Variants in GRAMD1B observed in about 807,000 individuals in gnomAD.
The protein encoded by GRAMD1B is GRAM domain containing 1B.
GRAMD1B carries 37 observed loss-of-function variants against 99.7 expected under a neutral mutation model. The observed-to-expected ratio is 0.37, with a 90% confidence interval of 0.29 to 0.49. The LOEUF (loss-of-function observed/expected upper bound fraction) is 0.49. GRAMD1B is among the 20% of genes least tolerant of loss of function. The probability of loss-of-function intolerance (pLI) is 0.98; values close to 1 mark genes in which losing one functional copy is unlikely to be tolerated. For missense variants in GRAMD1B, 888 were observed against 1,009.2 expected, an observed-to-expected ratio of 0.88 and a Z score of 1.63; for synonymous variants, 427 against 387.6, an observed-to-expected ratio of 1.10 and a Z score of -1.19.
chr11:123,608,398 C>G, intron 11 of GRAMD1B: 1 of 1,068,966 alleles, frequency 9.4e-7, no homozygotes, highest in Non-Finnish European at 1.3e-6. Flanking sequence ...AAAAGCAAAT[C>G]GTACATTCCC....
rs376911573 is a variant in GRAMD1B, at chr11:123,453,582, G to T, written c.374+22416G>T. ...TCCTCCTGCCCCAGCCTCCCAAAGT[G>T]CTGGGATTACAGACATGAGCCACCG... On this transcript the variant is annotated intron_variant, in intron 1 of 19. Transcript: ENST00000635736. 4.6e-4 allele frequency among the ~76,000 whole-genome samples: 70 copies of T among 152,278 alleles called. 1 individual carries two copies. In the East Asian group the frequency reaches 9.8e-3, roughly 21 times the overall value.
intron 2 of GRAMD1B, among the ~76,000 whole-genome samples, chr11:123,543,816 G>A (rs574445521): frequency 1.3e-5 from 2 of 152,284 alleles, no homozygotes; most frequent in African/African-American, 4.8e-5. Flanking sequence ...GCCTGTTTTT[G>A]TAATTTGTTC....
At chr11:123,534,102 A>T (rs1425832997) in intron 2 of GRAMD1B, among the ~76,000 whole-genome samples, 2 of 152,260 alleles carry the variant, frequency 1.3e-5, no homozygotes, top group Non-Finnish European at 2.9e-5. Flanking sequence ...ACTTCACAAC[A>T]TCTTAACTAC....
At chr11:123,480,989 A>G (rs1016710022) in intron 2 of GRAMD1B, 96 bp downstream of exon 2, 4 of 397,278 alleles carry the variant, frequency 1.0e-5, no homozygotes, top group Non-Finnish European at 1.3e-5. Flanking sequence ...GTGCAAAAAA[A>G]TGTGGAAAAC....
intron 2 of GRAMD1B, among the ~76,000 whole-genome samples, chr11:123,557,055 A>G (rs544168982): frequency 1.3e-5 from 2 of 152,326 alleles, no homozygotes; most frequent in Non-Finnish European, 1.5e-5. Context: ...ATAACCATGT[A>G]CTATAGGCAA....
chr11:123,606,572 G>T (rs955626915), intron 10 of GRAMD1B, 37 bp from the exon 11 acceptor site: 2 of 1,570,168 alleles, frequency 1.3e-6, no homozygotes, highest in African/African-American at 2.7e-5. Flanking sequence ...TCCAGACCAG[G>T]TTTCCCTGGT....
At chr11:123,497,765 G>C (rs1379254294) in intron 2 of GRAMD1B, among the ~76,000 whole-genome samples, 1 of 152,016 alleles carries the variant, frequency 6.6e-6, no homozygotes, top group Non-Finnish European at 1.5e-5. Flanking sequence ...GCAGGGCATG[G>C]TGGTGGGTGC....
intron 2 of GRAMD1B, among the ~76,000 whole-genome samples, chr11:123,542,448 G>A (rs1285862593): frequency 6.6e-6 from 1 of 152,188 alleles, no homozygotes; most frequent in Non-Finnish European, 1.5e-5. Context: ...CATGCATAAT[G>A]TACATCAGCA....
Position 123,598,618 on chromosome 11 carries a change from C to G in GRAMD1B, c.970-1850C>G. 3 of 1,435,562 alleles carry G rather than the reference C, an allele frequency of 2.1e-6. No homozygotes were observed. In the East Asian group the frequency reaches 6.8e-5, roughly 33 times the overall value. The allele number at this position is 1,435,562 out of a possible 1,614,324, so 88.9% of individuals were successfully genotyped here. A position where few individuals can be genotyped will look rare whatever the true frequency, so the allele number is the denominator to read the frequency against. ...CTGAATAGTCTCTGGGCTCGCTCTT[C>G]TGGGATCCTGCCACATTTCAGTCCT... is the stretch of plus-strand genomic sequence containing the variant. On this transcript the variant is annotated intron_variant, in intron 7 of 19. Transcript: ENST00000635736.
At chr11:123,402,966 T>A (rs895258395) in intron 1 of GRAMD1B, among the ~76,000 whole-genome samples, 3 of 93,724 alleles carry the variant, frequency 3.2e-5, no homozygotes, top group Non-Finnish European at 3.8e-5. Flanking sequence ...GGATTAAAAA[T>A]CTTTTTTTTT....
chr11:123,571,375 C>T (rs1046389866), intron 2 of GRAMD1B, among the ~76,000 whole-genome samples: 4 of 152,146 alleles, frequency 2.6e-5, no homozygotes, highest in Admixed American at 2.0e-4. Flanking sequence ...GGCAGGGATG[C>T]CGCAGAGAGT....
intron 1 of GRAMD1B, among the ~76,000 whole-genome samples, chr11:123,371,345 C>T (rs1946523112): frequency 6.6e-6 from 1 of 152,082 alleles, no homozygotes; most frequent in Non-Finnish European, 1.5e-5. Context: ...AGGAAAAGAG[C>T]CCAGCTAATA....
At chr11:123,536,976 G>A (rs924526802) in intron 2 of GRAMD1B, among the ~76,000 whole-genome samples, 2 of 152,190 alleles carry the variant, frequency 1.3e-5, no homozygotes, top group Non-Finnish European at 2.9e-5. Flanking sequence ...TCAGACCTTC[G>A]GGGGCTTCAT....
At chr11:123,410,462 G>T (rs1344067080) in intron 1 of GRAMD1B, among the ~76,000 whole-genome samples, 3 of 152,108 alleles carry the variant, frequency 2.0e-5, no homozygotes, top group African/African-American at 7.2e-5. Flanking sequence ...AAAATCAGTT[G>T]TCCCCAGATG....
chr11:123,465,975 T>G (rs1950638203), intron 1 of GRAMD1B, among the ~76,000 whole-genome samples: 1 of 151,982 alleles, frequency 6.6e-6, no homozygotes, highest in South Asian at 2.1e-4. Context: ...TCATACTGAT[T>G]GTTGAAAATA....
chr11:123,501,465 C>T (rs1939848436), intron 2 of GRAMD1B, among the ~76,000 whole-genome samples: 1 of 152,216 alleles, frequency 6.6e-6, no homozygotes, highest in East Asian at 1.9e-4. Context: ...GCCACTGCGC[C>T]AGCCTGGAGC....
chr11:123,495,904 T>C (rs1939199772), intron 2 of GRAMD1B, among the ~76,000 whole-genome samples: 1 of 152,234 alleles, frequency 6.6e-6, no homozygotes. Flanking sequence ...TATGTCTTAT[T>C]GTACTTTCTG....
intron 1 of GRAMD1B, among the ~76,000 whole-genome samples, chr11:123,371,532 G>A (rs1460053418): frequency 6.6e-6 from 1 of 151,918 alleles, no homozygotes; most frequent in East Asian, 1.9e-4. Context: ...GAACTTTTAG[G>A]CCCATGAAGT....
intron 7 of GRAMD1B, chr11:123,599,135 C>G: frequency 1.2e-6 from 1 of 812,210 alleles, no homozygotes; most frequent in Non-Finnish European, 2.2e-6. Context: ...ATTCCACTGA[C>G]ATTGCCACAT....
Sources: gnomAD v4.1 joint callset for allele counts (sites outside exome capture counted in the v4.1 genomes callset) on GRCh38, gnomAD v4.1.1 for gene constraint, MANE v1.5 for transcripts, NCBI Gene and HGNC (gene_info 2026-07-23, HGNC 2026-07-21) for gene names.